The following NPAS3 variants were observed in gnomAD, a reference collection of about 807,000 sequenced individuals.
NPAS3 encodes neuronal PAS domain-containing protein 3.
In NPAS3, 14 loss-of-function variants were observed where a neutral mutation model predicts 73.1. The observed-to-expected ratio is 0.19, with a 90% CI of 0.13 to 0.30. The LOEUF is 0.30. Among genes scored for constraint, NPAS3 ranks in the 10% least tolerant of loss-of-function variants. The probability of loss-of-function intolerance (pLI) is 1.00; values close to 1 mark genes in which losing one functional copy is unlikely to be tolerated. For synonymous variants in NPAS3, 620 were observed against 541.5 expected, an observed-to-expected ratio of 1.14 and a Z score of -2.01; for missense variants, 1,096 against 1,250.0, an observed-to-expected ratio of 0.88 and a Z score of 1.86.
At chr14:33,149,625 T>C (rs2044372553) in intron 2 of NPAS3, among the ~76,000 whole-genome samples, 1 of 152,200 alleles carries the variant, frequency 6.6e-6, no homozygotes, top group Non-Finnish European at 1.5e-5. Context: ...GTGCTTCCTT[T>C]AGTAGTGTCC....
chr14:33,454,865 G>A (rs141332325), intron 4 of NPAS3, among the ~76,000 whole-genome samples: 1,855 of 152,262 alleles, frequency 0.012, 34 homozygotes, highest in African/African-American at 0.042. Context: ...TGGACCCAGC[G>A]TATAGCCAGA....
intron 3 of NPAS3, among the ~76,000 whole-genome samples, chr14:33,270,128 C>A (rs572990620): frequency 1.3e-5 from 2 of 152,070 alleles, no homozygotes; most frequent in Admixed American, 1.3e-4. Flanking sequence ...GCCTTTTGTA[C>A]CCCAGATAAG....
chr14:33,373,036 T>C (rs1173874605), intron 4 of NPAS3, among the ~76,000 whole-genome samples: 1 of 152,236 alleles, frequency 6.6e-6, no homozygotes, highest in Admixed American at 6.5e-5. Context: ...GATAGGATAT[T>C]TGTATTTTAC....
chr14:32,941,309 C>CTCCTTCCTTCCTTCCT (rs1226851739), intron 1 of NPAS3, among the ~76,000 whole-genome samples: 618 of 6,844 alleles, frequency 0.09, 51 homozygotes, highest in Middle Eastern at 0.25. Context: ...CCCTCCCTCC[C>CTCCTTCCTTCCTTCCT]TCCTTCCTTC....
intron 5 of NPAS3, among the ~76,000 whole-genome samples, chr14:33,572,609 G>A (rs1567017693): frequency 6.6e-6 from 1 of 152,158 alleles, no homozygotes; most frequent in Non-Finnish European, 1.5e-5. Flanking sequence ...AGCACTCATT[G>A]TTAACCAGGA....
chr14:33,674,902 TG>T (rs2059715599), intron 5 of NPAS3, among the ~76,000 whole-genome samples: 1 of 152,174 alleles, frequency 6.6e-6, no homozygotes, highest in Non-Finnish European at 1.5e-5. Context: ...CTTGGAGTTC[TG>T]GGGACAAGAA....
intron 3 of NPAS3, among the ~76,000 whole-genome samples, chr14:33,338,108 T>A (rs143909692): frequency 6.6e-6 from 1 of 152,226 alleles, no homozygotes; most frequent in East Asian, 1.9e-4. Context: ...TCTAGTACAG[T>A]GCTGAAGAAA....
upstream of NPAS3, among the ~76,000 whole-genome samples, chr14:32,938,205 G>C (rs1348183803): frequency 6.6e-6 from 1 of 152,126 alleles, no homozygotes; most frequent in Non-Finnish European, 1.5e-5. Flanking sequence ...TTGTGCTGCT[G>C]CTGCACCGCC....
chr14:33,616,967 T>G (rs867196142), intron 5 of NPAS3, among the ~76,000 whole-genome samples: 1 of 152,212 alleles, frequency 6.6e-6, no homozygotes, highest in East Asian at 1.9e-4. Flanking sequence ...ATACCAGCTG[T>G]GCCAGCAACA....
chr14:33,472,925 A>G (rs1358942782), intron 4 of NPAS3, among the ~76,000 whole-genome samples: 1 of 150,904 alleles, frequency 6.6e-6, no homozygotes, highest in Non-Finnish European at 1.5e-5. Flanking sequence ...TAGAATGCGG[A>G]TGGAAACCAT....
At chr14:33,754,118 G>A (rs901317596) in intron 7 of NPAS3, among the ~76,000 whole-genome samples, 3 of 152,116 alleles carry the variant, frequency 2.0e-5, no homozygotes, top group East Asian at 1.9e-4. Flanking sequence ...CTGGGGTGGC[G>A]GCTAGAGAAA....
chr14:33,136,796 A>G (rs1191714904), intron 2 of NPAS3, among the ~76,000 whole-genome samples: 1 of 152,206 alleles, frequency 6.6e-6, no homozygotes, highest in Non-Finnish European at 1.5e-5. Context: ...ATCTGGGATT[A>G]TATACTTCGT....
At chr14:33,359,316 G>T (rs1014527338) in intron 3 of NPAS3, among the ~76,000 whole-genome samples, 1 of 152,172 alleles carries the variant, frequency 6.6e-6, no homozygotes, top group African/African-American at 2.4e-5. Flanking sequence ...AAGTAATAAG[G>T]TTGTGCCTGA....
At chr14:33,182,543 A>G (rs1025331124) in intron 2 of NPAS3, among the ~76,000 whole-genome samples, 1 of 152,212 alleles carries the variant, frequency 6.6e-6, no homozygotes, top group African/African-American at 2.4e-5. Flanking sequence ...ACTTGATAAT[A>G]ATTACCATTT....
intron 1 of NPAS3, among the ~76,000 whole-genome samples, chr14:33,029,180 T>G (rs77832127): frequency 8.3e-4 from 126 of 152,216 alleles, no homozygotes; most frequent in Non-Finnish European, 1.6e-3. Flanking sequence ...TAGGGATACA[T>G]TTTTCACAGC....
intron 5 of NPAS3, among the ~76,000 whole-genome samples, chr14:33,638,750 G>A (rs980686289): frequency 2.0e-5 from 3 of 152,182 alleles, no homozygotes; most frequent in Non-Finnish European, 4.4e-5. Context: ...AACTGTTAGA[G>A]CAAGCATTTC....
intron 1 of NPAS3, among the ~76,000 whole-genome samples, chr14:32,980,885 G>A (rs1405578499): frequency 6.6e-6 from 1 of 152,062 alleles, no homozygotes; most frequent in African/African-American, 2.4e-5. Flanking sequence ...GTTGTATAAG[G>A]TATTTAGAAA....
chr14:33,585,385 T>G (rs1411709687), intron 5 of NPAS3, among the ~76,000 whole-genome samples: 1 of 152,186 alleles, frequency 6.6e-6, no homozygotes, highest in East Asian at 1.9e-4. Flanking sequence ...AGACCAGCAG[T>G]CGAGAATCTG....
rs144959748 is a variant in NPAS3, at chr14:33,330,529, C to T, written c.386-36657C>T. ...TTAATGATCTCGTTAGAGTTCAGTACACTCTTTAAGTTCATAATTTCTTAA... is the reference window on the plus strand; with the variant it reads ...TTAATGATCTCGTTAGAGTTCAGTATACTCTTTAAGTTCATAATTTCTTAA... On this transcript the variant is annotated intron_variant, in intron 3 of 11. Coordinates refer to ENST00000356141, the Ensembl canonical transcript of NPAS3. 5.9e-3 allele frequency among the ~76,000 whole-genome samples: 905 copies of T among 152,286 alleles called. 12 individuals carry two copies. Among genetic ancestry groups the T allele is most frequent in the Non-Finnish European group, 6.9e-3 (470 of 68,022 alleles).
Sources: allele counts gnomAD v4.1 joint callset (sites outside exome capture counted in the v4.1 genomes callset), GRCh38; gene constraint gnomAD v4.1.1; transcripts MANE v1.5; gene names NCBI Gene and HGNC (gene_info 2026-07-23, HGNC 2026-07-21).